The following GRIK4 variants were observed in gnomAD, a reference collection of about 807,000 sequenced individuals.
GRIK4 encodes the protein glutamate receptor ionotropic, kainate 4.
A neutral mutation model predicts 104.9 loss-of-function variants in GRIK4; 40 were observed. The observed-to-expected ratio is 0.38, with a 90% CI of 0.30 to 0.50. The LOEUF is 0.50. Among genes scored for constraint, GRIK4 ranks in the 20% least tolerant of loss-of-function variants. GRIK4 has a pLI of 0.93. For missense variants in GRIK4, 1,047 were observed against 1,308.1 expected (o/e 0.80, Z 3.08); for synonymous variants, 485 against 524.9 (o/e 0.92, Z 1.04).
chr11:120,802,995 C>T, intron 4 of GRIK4, 138 bp downstream of exon 4: 1 of 761,816 alleles, frequency 1.3e-6, no homozygotes, highest in East Asian at 2.7e-5. Flanking sequence ...GGAACTTGAA[C>T]CAGGAGGTCC....
Position 120,836,846 on chromosome 11 carries a change from T to A in GRIK4, c.744+2T>A. The A allele has an allele frequency of 6.4e-7, 1 of 1,562,652 alleles. No individual in the cohort carries two copies. Among genetic ancestry groups the A allele is most frequent in the Non-Finnish European group, 8.8e-7 (1 of 1,132,964 alleles). On this transcript the variant is annotated splice_donor_variant, in intron 8 of 20. Coordinates refer to ENST00000527524, the MANE Select transcript of GRIK4 (RefSeq NM_014619.5). LOFTEE classifies it high-confidence loss of function. ...TACACATACATCTTCACTAATCTGGTAAGATGTTCTCACAGCTCACCTCCT... is the reference window on the plus strand; with the variant it reads ...TACACATACATCTTCACTAATCTGGAAAGATGTTCTCACAGCTCACCTCCT...
At chr11:120,978,917 G>A (rs1376283669) in intron 19 of GRIK4, among the ~76,000 whole-genome samples, 1 of 152,220 alleles carries the variant, frequency 6.6e-6, no homozygotes, top group Non-Finnish European at 1.5e-5. Context: ...GGTCATGCAA[G>A]ATCAGGACTA....
chr11:120,785,869 T>C (rs1209897270), intron 3 of GRIK4, among the ~76,000 whole-genome samples: 1 of 152,172 alleles, frequency 6.6e-6, no homozygotes, highest in Non-Finnish European at 1.5e-5. Flanking sequence ...CTCCTGGCCC[T>C]TTTGGCACAC....
rs1321320676 is a variant in GRIK4 at position 120,612,071 on chromosome 11, T to C, written c.-158-41614T>C. On this transcript the variant is annotated intron_variant, in intron 1 of 20. Coordinates refer to ENST00000527524, the MANE Select transcript of GRIK4 (RefSeq NM_014619.5). The stretch of plus-strand genomic sequence containing the variant: ...TTCCCTAGTAATTCCATCTTTTCTG[T>C]ACCGCTCCTGTAATACTTAATTCAT... Among the ~76,000 whole-genome samples, 3 of 152,366 alleles carry C rather than the reference T, an allele frequency of 2.0e-5. No homozygotes were observed. The East Asian group carries it at 5.8e-4, about 29-fold the overall frequency.
chr11:120,738,870 G>C (rs1452559099), intron 3 of GRIK4, among the ~76,000 whole-genome samples: 1 of 152,230 alleles, frequency 6.6e-6, no homozygotes, highest in African/African-American at 2.4e-5. Context: ...TGGGGGAGGA[G>C]GGGCTGGCAC....
chr11:120,585,387 T>C (rs1444806856), intron 1 of GRIK4, among the ~76,000 whole-genome samples: 1 of 151,402 alleles, frequency 6.6e-6, no homozygotes, highest in Non-Finnish European at 1.5e-5. Flanking sequence ...TCTCACTCTG[T>C]AGCCCAGGCC....
chr11:120,861,978 T>C lies in GRIK4; in HGVS notation c.764T>C (p.Met255Thr). 6.2e-7 allele frequency: 1 copy of C among 1,613,796 alleles called. No homozygotes were observed. Among genetic ancestry groups the C allele is most frequent in the Non-Finnish European group, 8.5e-7 (1 of 1,179,668 alleles). The change falls in exon 9 of 21, where the codon ATG becomes ACG. Residue 255 changes from methionine to threonine, a missense_variant. By Grantham distance (81) the Met-to-Thr change is moderately conservative (BLOSUM62 -1). Transcript: ENST00000527524. Reference sequence around the variant, plus strand: ...TTCCAGGAGTTCTCACTCCAGAGAATGGACAGCCTTGTGGATGATCGTGTC... The same window carrying C: ...TTCCAGGAGTTCTCACTCCAGAGAACGGACAGCCTTGTGGATGATCGTGTC... ...FTNLEFSLQR[M>T]DSLVDDRVNI...
intron 1 of GRIK4, among the ~76,000 whole-genome samples, chr11:120,618,419 G>T (rs761331986): frequency 2.0e-5 from 3 of 152,180 alleles, no homozygotes; most frequent in East Asian, 1.9e-4. Flanking sequence ...CAGCCTGGTC[G>T]TGTGGTACAA....
intron 6 of GRIK4, among the ~76,000 whole-genome samples, chr11:120,829,496 C>T (rs867922923): frequency 2.0e-5 from 3 of 152,150 alleles, no homozygotes; most frequent in African/African-American, 7.2e-5. Flanking sequence ...TGTATGTGAC[C>T]CGTCTTCTCT....
intron 3 of GRIK4, among the ~76,000 whole-genome samples, chr11:120,662,202 C>T (rs925492156): frequency 3.9e-5 from 6 of 152,184 alleles, no homozygotes; most frequent in Non-Finnish European, 8.8e-5. Flanking sequence ...TTCAAAGGCA[C>T]CCCTCGTGCT....
At chr11:120,752,246 A>C (rs1423411590) in intron 3 of GRIK4, among the ~76,000 whole-genome samples, 2 of 152,242 alleles carry the variant, frequency 1.3e-5, no homozygotes, top group Non-Finnish European at 2.9e-5. Flanking sequence ...TTCAGTCTCA[A>C]AAGGCTGCTG....
intron 11 of GRIK4, among the ~76,000 whole-genome samples, chr11:120,881,880 C>T (rs1181355961): frequency 1.3e-5 from 2 of 152,132 alleles, no homozygotes; most frequent in Non-Finnish European, 2.9e-5. Flanking sequence ...TGGCCCTGTG[C>T]AGCTGAGAAC....
At chr11:120,752,378 A>G (rs573441044) in intron 3 of GRIK4, among the ~76,000 whole-genome samples, 2 of 152,272 alleles carry the variant, frequency 1.3e-5, no homozygotes, top group East Asian at 3.9e-4. Context: ...CCCCCCCATG[A>G]TCTGATACTG....
chr11:120,920,886 C>G (rs982510860), intron 13 of GRIK4, among the ~76,000 whole-genome samples: 1 of 152,212 alleles, frequency 6.6e-6, no homozygotes, highest in African/African-American at 2.4e-5. Context: ...TCTGGAAGAA[C>G]TAATCCAGAG....
At chr11:120,653,493 A>T (rs2135222888) in intron 1 of GRIK4, among the ~76,000 whole-genome samples, 192 bp from the exon 2 acceptor site, 1 of 152,300 alleles carries the variant, frequency 6.6e-6, no homozygotes, top group Non-Finnish European at 1.5e-5. Flanking sequence ...ATGTGAATAA[A>T]TGGTGCCCCA....
intron 3 of GRIK4, among the ~76,000 whole-genome samples, chr11:120,728,435 A>G (rs1437092734): frequency 2.6e-5 from 4 of 152,212 alleles, no homozygotes; most frequent in Admixed American, 2.6e-4. Flanking sequence ...AATGAATTTC[A>G]GACAACAAAA....
intron 3 of GRIK4, among the ~76,000 whole-genome samples, chr11:120,671,471 A>G (rs1347078858): frequency 6.6e-6 from 1 of 151,686 alleles, no homozygotes; most frequent in African/African-American, 2.4e-5. Flanking sequence ...GATTTCTGTA[A>G]TGGCCAGTGA....
chr11:120,970,919 T>G (rs1944464294), intron 19 of GRIK4, among the ~76,000 whole-genome samples: 3 of 152,198 alleles, frequency 2.0e-5, no homozygotes, highest in Admixed American at 6.5e-5. Flanking sequence ...ACTCCATAGA[T>G]GCCCTTGTGA....
chr11:120,861,989 G>T lies in GRIK4; in HGVS notation c.775G>T (p.Val259Leu). ...CTCACTCCAGAGAATGGACAGCCTT[G>T]TGGATGATCGTGTCAACATCCTGGG... ...EFSLQRMDSLVDDRVNILGFS... is the reference protein window; with the variant it reads ...EFSLQRMDSLLDDRVNILGFS... The change falls in exon 9 of 21, where the codon GTG (valine) becomes TTG (leucine). Residue 259 changes from valine to leucine, a missense_variant. Val to Leu is a conservative substitution (Grantham distance 32, BLOSUM62 1). This residue lies in a region of GRIK4 where 447 missense variants were observed against 514.9 expected (regional missense o/e 0.87). Coordinates refer to ENST00000527524, the MANE Select transcript of GRIK4 (RefSeq NM_014619.5). The T allele has an allele frequency of 1.2e-6, 2 of 1,613,828 alleles. No homozygotes were observed. The highest frequency in any genetic ancestry group is 1.7e-6 in the Non-Finnish European group (2 of 1,179,682).
Sources: allele counts gnomAD v4.1 joint callset (sites outside exome capture counted in the v4.1 genomes callset), GRCh38; gene constraint gnomAD v4.1.1; regional missense constraint gnomAD v4.1.1; transcripts MANE v1.5; gene names NCBI Gene and HGNC (gene_info 2026-07-23, HGNC 2026-07-21).